Variants in ALG14 observed in about 807,000 individuals in gnomAD.
ALG14 encodes UDP-N-acetylglucosamine transferase subunit ALG14.
ALG14 carries 17 observed loss-of-function variants against 22.8 expected under a neutral mutation model. The ratio of observed to expected loss-of-function variants is 0.75; its 90% CI spans 0.51 to 1.12. ALG14 has a LOEUF of 1.12. Among genes scored for constraint, ALG14 ranks in the 50% most tolerant of loss-of-function variants. The pLI, the probability that ALG14 is intolerant of heterozygous loss-of-function variation, is 0.00. For synonymous variants in ALG14, 89 were observed against 103.7 expected (o/e 0.86, Z 0.86); for missense variants, 288 against 271.8 (o/e 1.06, Z -0.42).
chr1:94,995,549 C>T (rs919632755), intron 3 of ALG14, among the ~76,000 whole-genome samples: 4 of 152,130 alleles, frequency 2.6e-5, no homozygotes, highest in Admixed American at 2.0e-4. Flanking sequence ...TCCGTCTCTA[C>T]TAAAAATACA....
Position 95,033,036 on chromosome 1 carries a change from T to G in ALG14, c.289-5776A>C, listed in dbSNP as rs143430644. Among the ~76,000 whole-genome samples, 3 of 152,296 alleles carry G rather than the reference T, an allele frequency of 2.0e-5. No individual in the cohort carries two copies. The East Asian group carries it at 5.8e-4, about 29-fold the overall frequency. ...CTACAATTCAGGCCTGCTATGACCTTTGGCCAGGAATTACCTAGGGGTTCT... is the reference window on the plus strand; with the variant it reads ...CTACAATTCAGGCCTGCTATGACCTGTGGCCAGGAATTACCTAGGGGTTCT... On this transcript the variant is annotated intron_variant, in intron 2 of 3. Coordinates refer to ENST00000370205, the MANE Select transcript of ALG14 (RefSeq NM_144988.4).
At chr1:95,025,184 G>A (rs1673776224) in intron 3 of ALG14, among the ~76,000 whole-genome samples, 1 of 152,160 alleles carries the variant, frequency 6.6e-6, no homozygotes, top group African/African-American at 2.4e-5. Flanking sequence ...GTAATTAGGT[G>A]CATTGTCAAT....
intron 3 of ALG14, among the ~76,000 whole-genome samples, chr1:94,992,396 T>C (rs1672797396): frequency 6.6e-6 from 1 of 152,120 alleles, no homozygotes. Flanking sequence ...AGACAAAGAC[T>C]TTCCTGAGGA....
chr1:95,051,877 T>C (rs1674763604), intron 2 of ALG14, among the ~76,000 whole-genome samples: 1 of 152,206 alleles, frequency 6.6e-6, no homozygotes, highest in East Asian at 1.9e-4. Context: ...CCTCTGAATC[T>C]TCCTATTCCC....
chr1:95,056,750 A>C lies in ALG14; in HGVS notation c.288+8116T>G, dbSNP rs1423675926. Among the ~76,000 whole-genome samples, 449 of 152,010 alleles carry C rather than the reference A, an allele frequency of 3.0e-3. 18 individuals are homozygous for C. The East Asian group carries it at 0.085, about 29-fold the overall frequency. On this transcript the variant is annotated intron_variant, in intron 2 of 3. Coordinates refer to ENST00000370205, the MANE Select transcript of ALG14 (RefSeq NM_144988.4). ...TATAAATTTGGATTCCTAAAGGAAA[A>C]TATAAACATTAAAATCTAAAACTTC...
chr1:94,991,519 T>G (rs191193749), intron 3 of ALG14, among the ~76,000 whole-genome samples: 203 of 152,298 alleles, frequency 1.3e-3, no homozygotes, highest in Non-Finnish European at 2.5e-3. Context: ...AAATACTGTA[T>G]GAAAGACAGA....
intron 2 of ALG14, among the ~76,000 whole-genome samples, chr1:95,042,443 C>T (rs1674410301): frequency 6.6e-6 from 1 of 152,194 alleles, no homozygotes; most frequent in Non-Finnish European, 1.5e-5. Flanking sequence ...TGTCACTTTG[C>T]TCTGTTCCCA....
chr1:95,062,441 T>C (rs1165483981), intron 2 of ALG14, among the ~76,000 whole-genome samples: 2 of 152,162 alleles, frequency 1.3e-5, no homozygotes, highest in African/African-American at 2.4e-5. Context: ...CCTGATGCTC[T>C]ACCTCCCCCA....
chr1:95,065,732 C>G (rs1675337724), intron 1 of ALG14, among the ~76,000 whole-genome samples: 1 of 152,186 alleles, frequency 6.6e-6, no homozygotes, highest in Non-Finnish European at 1.5e-5. Flanking sequence ...ACTGTAACCC[C>G]AGCTCCTATG....
chr1:94,996,150 G>A (rs532335464), intron 3 of ALG14, among the ~76,000 whole-genome samples: 5 of 152,312 alleles, frequency 3.3e-5, no homozygotes, highest in South Asian at 4.1e-4. Context: ...ACACTTTCAC[G>A]TCACATTCAT....
intron 3 of ALG14, among the ~76,000 whole-genome samples, chr1:95,017,312 C>G (rs1350816391): frequency 1.3e-5 from 2 of 152,092 alleles, no homozygotes; most frequent in Admixed American, 6.5e-5. Flanking sequence ...CTGCTTCCTA[C>G]AGTCAACTGC....
intron 2 of ALG14, among the ~76,000 whole-genome samples, chr1:95,064,571 G>T (rs1675287087): frequency 6.6e-6 from 1 of 152,062 alleles, no homozygotes; most frequent in South Asian, 2.1e-4. Flanking sequence ...CTGTTTATGT[G>T]ATGAATTACA....
intron 3 of ALG14, among the ~76,000 whole-genome samples, chr1:94,987,869 G>A (rs1234188585): frequency 6.6e-6 from 1 of 152,316 alleles, no homozygotes; most frequent in South Asian, 2.1e-4. Context: ...GGCAGCTGAA[G>A]AGTCCAATTA....
At chr1:95,025,877 A>G (rs766421262) in intron 3 of ALG14, among the ~76,000 whole-genome samples, 2 of 152,186 alleles carry the variant, frequency 1.3e-5, no homozygotes, top group Non-Finnish European at 2.9e-5. Flanking sequence ...AACTTTCTCC[A>G]TATCAGCAAT....
chr1:94,995,336 A>G (rs1672881956), intron 3 of ALG14, among the ~76,000 whole-genome samples: 1 of 152,222 alleles, frequency 6.6e-6, no homozygotes, highest in Non-Finnish European at 1.5e-5. Flanking sequence ...TCATATATTC[A>G]AAGATAATGA....
intron 3 of ALG14, among the ~76,000 whole-genome samples, chr1:95,005,091 T>C (rs1457341268): frequency 6.6e-6 from 1 of 151,874 alleles, no homozygotes; most frequent in African/African-American, 2.4e-5. Flanking sequence ...AAGAAGAATA[T>C]GAAGAGAGAG....
intron 3 of ALG14, among the ~76,000 whole-genome samples, chr1:95,009,519 C>T (rs1276640817): frequency 6.6e-6 from 1 of 152,006 alleles, no homozygotes; most frequent in Non-Finnish European, 1.5e-5. Flanking sequence ...TTTTGACAAA[C>T]ACAAAATACA....
chr1:95,044,680 T>C (rs546969953), intron 2 of ALG14, among the ~76,000 whole-genome samples: 26 of 152,254 alleles, frequency 1.7e-4, no homozygotes, highest in African/African-American at 6.0e-4. Context: ...ACAGCACTGA[T>C]CACCTTCTAA....
chr1:94,998,317 CCATT>C (rs1481269251), intron 3 of ALG14, among the ~76,000 whole-genome samples: 2 of 152,154 alleles, frequency 1.3e-5, no homozygotes. Flanking sequence ...CTGTCTAACC[CCATT>C]CAGCCTTCCC....
Sources: gnomAD v4.1 joint callset for allele counts (sites outside exome capture counted in the v4.1 genomes callset) on GRCh38, gnomAD v4.1.1 for gene constraint, MANE v1.5 for transcripts, NCBI Gene and HGNC (gene_info 2026-07-23, HGNC 2026-07-21) for gene names.